OTOF: variants seen among roughly 807,000 people sequenced by gnomAD.
OTOF encodes otoferlin.
A neutral mutation model predicts 236.8 loss-of-function variants in OTOF; 218 were observed. That is an observed-to-expected ratio of 0.92 (90% CI 0.82 to 1.03). OTOF has a LOEUF of 1.03. Among genes scored for constraint, OTOF ranks in the 50% least tolerant of loss-of-function variants. OTOF has a pLI of 0.00. For synonymous variants in OTOF, 1,041 were observed against 1,072.5 expected (o/e 0.97, Z 0.57); for missense variants, 2,590 against 2,694.4 (o/e 0.96, Z 0.86).
chr2:26,532,565 G>A (rs1194844852), intron 2 of OTOF, among the ~76,000 whole-genome samples: 11 of 152,220 alleles, frequency 7.2e-5, no homozygotes, highest in Admixed American at 7.2e-4. Flanking sequence ...GATGGTCCTG[G>A]ATAGTTCTGG....
rs116307055 is a variant in OTOF, at chr2:26,489,173, T to C, written c.1045+38A>G. 498 of 1,486,372 alleles carry C rather than the reference T, an allele frequency of 3.4e-4. 1 individual carries two copies. In the African/African-American group the frequency reaches 6.3e-3, roughly 19 times the overall value. 92.1% of individuals were successfully genotyped at this position (1,486,372 alleles called of 1,614,324 possible). On this transcript the variant is annotated intron_variant, in intron 11 of 46. Transcript: ENST00000272371. ...CCCGTGCACCACGCTCCCTGAGCCA[T>C]GCACACCTCGACTGACTGGCCATGC...
intron 1 of OTOF, among the ~76,000 whole-genome samples, chr2:26,556,093 T>C (rs940057761): frequency 1.3e-5 from 2 of 152,176 alleles, no homozygotes; most frequent in Non-Finnish European, 2.9e-5. Context: ...AACCAGCTGC[T>C]CTGGCCTACC....
chr2:26,553,383 CAG>C (rs948351400), intron 1 of OTOF, among the ~76,000 whole-genome samples: 4 of 152,198 alleles, frequency 2.6e-5, no homozygotes, highest in African/African-American at 7.2e-5. Flanking sequence ...TAGGTACAAA[CAG>C]GGGCAGTTTT....
chr2:26,503,708 TG>T, intron 6 of OTOF, 63 bp downstream of exon 6: 1 of 1,456,708 alleles, frequency 6.9e-7, no homozygotes. Context: ...GGGCAGGGGC[TG>T]GAAAGCGGCG....
intron 11 of OTOF, among the ~76,000 whole-genome samples, chr2:26,487,348 G>A (rs920321034): frequency 2.0e-5 from 3 of 152,174 alleles, no homozygotes; most frequent in African/African-American, 7.2e-5. Context: ...CCTGTCCCTG[G>A]GAGGGCACCA....
At chr2:26,541,387 A>C (rs778385548) in intron 1 of OTOF, among the ~76,000 whole-genome samples, 7 of 152,242 alleles carry the variant, frequency 4.6e-5, no homozygotes, top group Admixed American at 6.5e-5. Flanking sequence ...GAGATGGTGA[A>C]TATTCTCAAA....
intron 1 of OTOF, among the ~76,000 whole-genome samples, chr2:26,557,419 G>C (rs1667619947): frequency 1.3e-5 from 2 of 152,176 alleles, no homozygotes; most frequent in Non-Finnish European, 2.9e-5. Context: ...GCAGAGGTGG[G>C]TGGTGAAGGA....
chr2:26,479,105 T>C (rs1252176071), intron 18 of OTOF, among the ~76,000 whole-genome samples, 159 bp downstream of exon 18: 1 of 152,238 alleles, frequency 6.6e-6, no homozygotes, highest in Non-Finnish European at 1.5e-5. Flanking sequence ...TCCTTGTCTG[T>C]GCCCTGGGAC....
Position 26,473,151 on chromosome 2 carries a change from G to T in OTOF, c.3714C>A (p.Ala1238=), listed in dbSNP as rs760026524. ...RFIYRPPDRS[A]PSWNTTVRLL... is the part of the protein sequence containing the mutation. ...CCATACCCGTGGTGTTCCAGCTGGG[G>T]GCCGAGCGGTCTGGGGGCCGGTAGA... The change falls in exon 29 of 47, where the codon GCC becomes GCA. Residue 1238 remains alanine, a synonymous_variant. Transcript: ENST00000272371. The surrounding 1 kb of genome is among the most constrained non-coding windows in gnomAD (Gnocchi z 7.2). 1 of 1,612,566 alleles carries T rather than the reference G, an allele frequency of 6.2e-7. No homozygotes were observed. Among genetic ancestry groups the T allele is most frequent in the East Asian group, 2.2e-5 (1 of 44,860 alleles).
intron 1 of OTOF, among the ~76,000 whole-genome samples, chr2:26,557,376 A>G (rs1313765533): frequency 1.3e-5 from 2 of 152,080 alleles, no homozygotes; most frequent in Non-Finnish European, 2.9e-5. Context: ...AGTACCCCCA[A>G]CCCTCAGGGC....
At chr2:26,525,950 G>A (rs147257559) in intron 3 of OTOF, among the ~76,000 whole-genome samples, 4 of 152,110 alleles carry the variant, frequency 2.6e-5, no homozygotes, top group African/African-American at 4.8e-5. Context: ...AGCTGGGCAC[G>A]GTGGTGAGCA....
Position 26,473,491 on chromosome 2 carries a change from C to T in OTOF, c.3485G>A (p.Cys1162Tyr), listed in dbSNP as rs1351238448. 2 of 1,613,156 alleles carry T rather than the reference C, an allele frequency of 1.2e-6. No homozygotes were observed. Among genetic ancestry groups the T allele is most frequent in the Non-Finnish European group, 8.5e-7 (1 of 1,179,974 alleles). The change falls in exon 28 of 47, where the codon TGT becomes TAT. Residue 1162 changes from cysteine to tyrosine, a missense_variant. This residue lies in a region of OTOF where 1,211 missense variants were observed against 1,352.8 expected (regional missense o/e 0.90). Transcript: ENST00000272371. This position sits in a 1 kb window ranked among gnomAD's most constrained non-coding sequence, Gnocchi z 7.2. The stretch of plus-strand genomic sequence containing the variant: ...GGACGACTGCACCCCCTTCCCTGCA[C>T]ACTCGATGTCCACCCGTGGCCGGTC... The part of the protein sequence containing the change: ...QVDRPRVDIE[C>Y]AGKGVQSSLI...
At chr2:26,465,107 T>G in intron 38 of OTOF, 78 bp from the exon 39 acceptor site, 1 of 1,307,750 alleles carries the variant, frequency 7.6e-7, no homozygotes, top group Non-Finnish European at 1.0e-6. Context: ...CGTGGCCAGT[T>G]CTCTAAAGTT....
At chr2:26,491,869 A>G (rs1665851050) in intron 9 of OTOF, among the ~76,000 whole-genome samples, 1 of 152,070 alleles carries the variant, frequency 6.6e-6, no homozygotes, top group Admixed American at 6.5e-5. Flanking sequence ...AGAATCCCGA[A>G]CTCTCTGAGC....
intron 1 of OTOF, 141 bp downstream of exon 1, chr2:26,558,352 G>C (rs1048175079): frequency 1.4e-6 from 1 of 739,158 alleles, no homozygotes; most frequent in African/African-American, 1.7e-5. Context: ...ATGACTACCT[G>C]TGAAAAGGCT....
In OTOF at chr2:26,519,066, C is replaced by T. The variant is rs1238562287; in HGVS notation, c.271G>A (p.Glu91Lys). 2 of 1,609,120 alleles carry T rather than the reference C, an allele frequency of 1.2e-6. No homozygotes were observed. Among genetic ancestry groups the T allele is most frequent in the African/African-American group, 1.3e-5 (1 of 74,892 alleles). The change falls in exon 4 of 47, where the codon GAG becomes AAG. Residue 91 changes from glutamate (E) to lysine (K), a missense_variant. Physicochemically the swap from Glu to Lys is moderately conservative, Grantham distance 56. This residue lies in a region of OTOF where 1,379 missense variants were observed against 1,341.6 expected (regional missense o/e 1.03). Coordinates refer to ENST00000272371, the MANE Select transcript of OTOF (RefSeq NM_194248.3). Reference sequence around the variant, plus strand: ...GTGTCAGTCACCTCCACATGGCTCTCCTCTACCACCTTCTGCAGCACCATG... The same window carrying T: ...GTGTCAGTCACCTCCACATGGCTCTTCTCTACCACCTTCTGCAGCACCATG... ...FRMVLQKVVE[E>K]SHVEVTDTLI...
At position 26,555,652 on chromosome 2, in the gene OTOF, T is replaced by A. The variant is rs148533197; in HGVS notation, c.79+2841A>T. 2.3e-4 allele frequency among the ~76,000 whole-genome samples: 35 copies of A among 152,118 alleles called. No individual in the cohort carries two copies. The East Asian group carries it at 6.6e-3, about 29-fold the overall frequency. On this transcript the variant is annotated intron_variant, in intron 1 of 46. Coordinates refer to ENST00000272371, the MANE Select transcript of OTOF (RefSeq NM_194248.3). The stretch of plus-strand genomic sequence containing the variant: ...TGCCTGCCTGGGTTCCTGCGGAACA[T>A]CTCAGCAGAGGCTCCTACAGAGCAG...
chr2:26,525,997 T>G lies in OTOF; in HGVS notation c.227+1835A>C, dbSNP rs188638715. ...AGCTACTCAGGAGGCTGATACAGGA[T>G]AATTGCTTGAACCAGAGAGGCGGAG... On this transcript the variant is annotated intron_variant, in intron 3 of 46. Coordinates refer to ENST00000272371, the MANE Select transcript of OTOF (RefSeq NM_194248.3). 1.7e-3 allele frequency among the ~76,000 whole-genome samples: 239 copies of G among 143,656 alleles called. 4 individuals carry two copies. In the Admixed American group the frequency reaches 0.017, roughly 10 times the overall value. 94.2% of individuals were successfully genotyped at this position (143,656 alleles called of 152,430 possible). A position where few individuals can be genotyped will look rare whatever the true frequency, so the allele number is the denominator to read the frequency against.
chr2:26,476,824 C>A, intron 22 of OTOF, 67 bp downstream of exon 22: 1 of 1,473,424 alleles, frequency 6.8e-7, no homozygotes, highest in South Asian at 1.1e-5. Context: ...AGGCTTCCAG[C>A]CCCAGGTGGG....
Sources: allele counts gnomAD v4.1 joint callset (sites outside exome capture counted in the v4.1 genomes callset), GRCh38; gene constraint gnomAD v4.1.1; regional missense constraint gnomAD v4.1.1; non-coding constraint Gnocchi (gnomAD v3.1); transcripts MANE v1.5; gene names NCBI Gene and HGNC (gene_info 2026-07-23, HGNC 2026-07-21).